ULK2: variants seen among roughly 807,000 people sequenced by gnomAD.
The protein encoded by ULK2 is serine/threonine-protein kinase ULK2.
A neutral mutation model predicts 127.5 loss-of-function variants in ULK2; 76 were observed. The ratio of observed to expected loss-of-function variants is 0.60; its 90% CI spans 0.50 to 0.72. The LOEUF is 0.72. ULK2 is among the 30% of genes least tolerant of loss of function. The probability of loss-of-function intolerance (pLI) is 0.00; values close to 1 mark genes in which losing one functional copy is unlikely to be tolerated. For missense variants in ULK2, 1,144 were observed against 1,295.9 expected (o/e 0.88, Z 1.80); for synonymous variants, 452 against 461.9 (o/e 0.98, Z 0.28).
At chr17:19,828,833 T>C (rs1380369127) in intron 10 of ULK2, among the ~76,000 whole-genome samples, 2 of 152,206 alleles carry the variant, frequency 1.3e-5, no homozygotes, top group African/African-American at 2.4e-5. Flanking sequence ...CTTTAGGCCA[T>C]GTGAGGTGGC....
rs752746414 is a variant in ULK2 at position 19,825,017 on chromosome 17, G to A, written c.924+77C>T. ...ATTACACATAAAAAGAATATCCACAGTGTATGTGCATGCTCCATTTGAGAA... is the reference window on the plus strand; with the variant it reads ...ATTACACATAAAAAGAATATCCACAATGTATGTGCATGCTCCATTTGAGAA... On this transcript the variant is annotated intron_variant, in intron 12 of 26. Coordinates refer to ENST00000395544, the MANE Select transcript of ULK2 (RefSeq NM_014683.4). 6.2e-4 allele frequency: 792 copies of A among 1,278,292 alleles called. 2 individuals are homozygous for A. The highest frequency in any genetic ancestry group is 8.3e-4 in the Non-Finnish European group (740 of 894,772). The allele number at this position is 1,278,292 out of a possible 1,614,324, so 79.2% of individuals were successfully genotyped here.
chr17:19,843,660 C>CTTTT (rs1186486092), intron 7 of ULK2, among the ~76,000 whole-genome samples: 1 of 135,284 alleles, frequency 7.4e-6, no homozygotes, highest in African/African-American at 2.7e-5. Context: ...AATATTTTTT[C>CTTTT]TTTTTTTTTT....
rs569061543 is a variant in ULK2, at chr17:19,824,968, C to T, written c.924+126G>A. On this transcript the variant is annotated intron_variant, in intron 12 of 26. Coordinates refer to ENST00000395544, the MANE Select transcript of ULK2 (RefSeq NM_014683.4). ...GACCCAACTATCATGTTCTTTCCCC[C>T]AAATCTCAGCTACATTAGTAAACAT... is the stretch of plus-strand genomic sequence containing the variant. The T allele has an allele frequency of 8.1e-5, 76 of 941,728 alleles. 1 individual carries two copies. The South Asian group carries it at 1.2e-3, about 14-fold the overall frequency. 58.3% of individuals were successfully genotyped at this position (941,728 alleles called of 1,614,324 possible).
intron 20 of ULK2, among the ~76,000 whole-genome samples, chr17:19,793,993 G>C (rs970294502): frequency 2.0e-5 from 3 of 152,062 alleles, no homozygotes; most frequent in Non-Finnish European, 4.4e-5. Context: ...AGAACAGATA[G>C]GTAATACAGA....
intron 25 of ULK2, 80 bp from the exon 26 acceptor site, chr17:19,777,796 T>C (rs2086840064): frequency 3.3e-6 from 5 of 1,497,068 alleles, no homozygotes; most frequent in Non-Finnish European, 4.5e-6. Context: ...AAGCTTTAAA[T>C]GGAATCCACC....
At chr17:19,790,409 C>T (rs1316599461) in intron 20 of ULK2, among the ~76,000 whole-genome samples, 6 of 152,076 alleles carry the variant, frequency 3.9e-5, no homozygotes, top group Non-Finnish European at 1.5e-5. Context: ...AAGAGCGAAA[C>T]TCCATCTCAA....
intron 13 of ULK2, 134 bp downstream of exon 13, chr17:19,816,615 G>C (rs1315518346): frequency 1.3e-6 from 1 of 769,496 alleles, no homozygotes; most frequent in Non-Finnish European, 1.8e-6. Flanking sequence ...ATAATTCTGA[G>C]AATTCAAACA....
intron 22 of ULK2, 71 bp from the exon 23 acceptor site, chr17:19,782,138 A>G (rs2086932939): frequency 1.2e-5 from 17 of 1,431,238 alleles, no homozygotes; most frequent in Non-Finnish European, 1.6e-5. Context: ...CTGTACATAA[A>G]CCATGGCCGC....
At chr17:19,797,707 T>C (rs992181831) in intron 17 of ULK2, 25 bp from the exon 18 acceptor site, 2 of 1,453,258 alleles carry the variant, frequency 1.4e-6, no homozygotes, top group Non-Finnish European at 9.1e-7. Context: ...AATGTAACAT[T>C]AACCTGAAGT....
chr17:19,791,822 C>CA (rs1283100027), intron 20 of ULK2, among the ~76,000 whole-genome samples: 2 of 136,540 alleles, frequency 1.5e-5, no homozygotes, highest in East Asian at 4.2e-4. Context: ...CGTGCCACTG[C>CA]ACTCCAGCAA....
chr17:19,810,532 G>A (rs1303721445), intron 13 of ULK2, 94 bp from the exon 14 acceptor site: 10 of 701,214 alleles, frequency 1.4e-5, no homozygotes, highest in African/African-American at 7.4e-5. Context: ...TTTCATGCAC[G>A]ATGCAAAATT....
In ULK2 at chr17:19,867,623, G is replaced by C. The variant is rs1485030228; in HGVS notation, c.-206C>G. The C allele has an allele frequency of 3.6e-6, 1 of 279,164 alleles. No homozygotes were observed. The highest frequency in any genetic ancestry group is 2.2e-5 in the African/African-American group (1 of 44,514). 17.3% of individuals were successfully genotyped at this position (279,164 alleles called of 1,614,324 possible). On this transcript the variant is annotated 5_prime_UTR_variant, in exon 1 of 27. Coordinates refer to ENST00000395544, the MANE Select transcript of ULK2 (RefSeq NM_014683.4). Reference sequence around the variant, plus strand: ...GCGGAGCCAGGGTCAGCGAGGCCCGGCCCGGCCCCTGCCGCTCATGGCCCG... The same window carrying C: ...GCGGAGCCAGGGTCAGCGAGGCCCGCCCCGGCCCCTGCCGCTCATGGCCCG...
chr17:19,822,372 T>TA lies in ULK2; in HGVS notation c.924+2721_924+2722insT, dbSNP rs548631142. The stretch of plus-strand genomic sequence containing the variant: ...ACTTATTTTATTTTTTATTTTATTT[T>TA]TTTTTTTGAGATAGAGTCTCGCTCT... On this transcript the variant is annotated intron_variant, in intron 12 of 26. Coordinates refer to ENST00000395544, the MANE Select transcript of ULK2 (RefSeq NM_014683.4). Among the ~76,000 whole-genome samples the TA allele has an allele frequency of 4.8e-4, 73 of 152,116 alleles. 1 individual carries two copies. Among genetic ancestry groups the TA allele is most frequent in the African/African-American group, 1.7e-3 (72 of 41,484 alleles).
At position 19,778,956 on chromosome 17, in the gene ULK2, A is replaced by C. The variant is rs183282474; in HGVS notation, c.2917-1240T>G. 1.2e-4 allele frequency among the ~76,000 whole-genome samples: 19 copies of C among 152,330 alleles called. No homozygotes were observed. In the East Asian group the frequency reaches 3.7e-3, roughly 29 times the overall value. On this transcript the variant is annotated intron_variant, in intron 25 of 26. Coordinates refer to ENST00000395544, the MANE Select transcript of ULK2 (RefSeq NM_014683.4). ...TTCTGAGAAGGAAAAACAGCATTATAATTCCATATGGAGGACATTTTTCTG... is the reference window on the plus strand; with the variant it reads ...TTCTGAGAAGGAAAAACAGCATTATCATTCCATATGGAGGACATTTTTCTG...
chr17:19,779,486 C>T (rs566188038), intron 25 of ULK2, among the ~76,000 whole-genome samples: 3 of 126,866 alleles, frequency 2.4e-5, no homozygotes, highest in Admixed American at 1.0e-4. Context: ...GAGCCAAGAT[C>T]ATGCTGCTGC....
At chr17:19,810,229 C>CA (rs199922634) in intron 14 of ULK2, 149 bp downstream of exon 14, 62 of 350,730 alleles carry the variant, frequency 1.8e-4, no homozygotes, top group Middle Eastern at 7.9e-4. Context: ...GACTCCATCT[C>CA]AAAAAAAAAA....
At chr17:19,854,341 T>C (rs281332) in intron 3 of ULK2, among the ~76,000 whole-genome samples, 6,011 of 151,204 alleles carry the variant, frequency 0.04, 311 homozygotes, top group East Asian at 0.24. Context: ...AAACCCAACA[T>C]AGGTTTGTGG....
chr17:19,822,002 T>C (rs530445423), intron 12 of ULK2, among the ~76,000 whole-genome samples: 2 of 151,548 alleles, frequency 1.3e-5, no homozygotes, highest in East Asian at 3.9e-4. Flanking sequence ...ATCTTTTTTT[T>C]TTTTTTCTTT....
intron 15 of ULK2, among the ~76,000 whole-genome samples, chr17:19,802,272 G>T (rs1016500584): frequency 6.6e-6 from 1 of 152,026 alleles, no homozygotes. Context: ...CAATCATTTT[G>T]AATCCTTTTG....
Sources: gnomAD v4.1 joint callset for allele counts (sites outside exome capture counted in the v4.1 genomes callset) on GRCh38, gnomAD v4.1.1 for gene constraint, MANE v1.5 for transcripts, NCBI Gene and HGNC (gene_info 2026-07-23, HGNC 2026-07-21) for gene names.